Variants in SLC23A2 observed in about 807,000 individuals in gnomAD.
SLC23A2 encodes the protein solute carrier family 23 member 2.
A neutral mutation model predicts 73.3 loss-of-function variants in SLC23A2; 36 were observed. That is an observed-to-expected ratio of 0.49 (90% confidence interval 0.38 to 0.65). SLC23A2 has a LOEUF of 0.65. Ranked by LOEUF, SLC23A2 falls within the 30% of genes least tolerant of loss-of-function variation. The pLI is 0.00. For synonymous variants in SLC23A2, 343 were observed against 327.3 expected, an observed-to-expected ratio of 1.05 and a Z score of -0.52; for missense variants, 507 against 841.6, an observed-to-expected ratio of 0.60 and a Z score of 4.92.
At chr20:4,880,414 C>T (rs190347355) in intron 9 of SLC23A2, among the ~76,000 whole-genome samples, 45 of 152,160 alleles carry the variant, frequency 3.0e-4, no homozygotes, top group Middle Eastern at 3.4e-3. Context: ...AGCTCAGCCA[C>T]GGGAGGGGCA....
chr20:4,910,981 C>A (rs1022671795), intron 4 of SLC23A2, among the ~76,000 whole-genome samples: 1 of 152,150 alleles, frequency 6.6e-6, no homozygotes, highest in Non-Finnish European at 1.5e-5. Flanking sequence ...TAAAGCTAAG[C>A]CCCAAAGTGT....
At chr20:4,977,848 T>G (rs951807721) in intron 1 of SLC23A2, among the ~76,000 whole-genome samples, 3 of 152,114 alleles carry the variant, frequency 2.0e-5, no homozygotes, top group Non-Finnish European at 2.9e-5. Context: ...CTATTTGTGA[T>G]TTTTTAAAAG....
intron 2 of SLC23A2, among the ~76,000 whole-genome samples, chr20:4,945,841 A>T (rs1393586626): frequency 1.3e-5 from 2 of 152,218 alleles, no homozygotes; most frequent in Admixed American, 6.5e-5. Context: ...GCCCGACTTA[A>T]ATCAGATTAT....
At chr20:5,007,111 G>A (rs977113198) in intron 1 of SLC23A2, among the ~76,000 whole-genome samples, 1 of 152,130 alleles carries the variant, frequency 6.6e-6, no homozygotes, top group Non-Finnish European at 1.5e-5. Flanking sequence ...GCACCGTATA[G>A]CATGTATACC....
upstream of SLC23A2, among the ~76,000 whole-genome samples, chr20:5,002,132 T>C (rs141867037): frequency 6.6e-6 from 1 of 152,238 alleles, no homozygotes; most frequent in East Asian, 1.9e-4. Flanking sequence ...TGTCCCCAGG[T>C]GATGCCCCCG....
At chr20:4,929,264 T>TA (rs368253095) in intron 3 of SLC23A2, among the ~76,000 whole-genome samples, 2,835 of 119,030 alleles carry the variant, frequency 0.024, 43 homozygotes, top group Non-Finnish European at 0.034. Flanking sequence ...AGACCCTGTG[T>TA]AAAAAAAAAA....
At chr20:5,008,661 C>T (rs1268239998) in intron 1 of SLC23A2, among the ~76,000 whole-genome samples, 1 of 152,164 alleles carries the variant, frequency 6.6e-6, no homozygotes, top group African/African-American at 2.4e-5. Flanking sequence ...CCCACTTTCC[C>T]ATGAGGGACC....
rs560722678 is a variant in SLC23A2, at chr20:4,964,765, G to C, written c.-155+6028C>G. On this transcript the variant is annotated intron_variant, in intron 2 of 16. Transcript: ENST00000338244. ...AGGCAGGAGGATCCCCTGCACCCGG[G>C]AGGTAGAGTTGCAGTGAGATCGCAC... Among the ~76,000 whole-genome samples the C allele has an allele frequency of 6.6e-5, 10 of 151,392 alleles. 1 individual carries two copies. The South Asian group carries it at 2.1e-3, about 32-fold the overall frequency.
upstream of SLC23A2, among the ~76,000 whole-genome samples, chr20:5,002,665 G>A (rs1008755860): frequency 2.6e-5 from 4 of 152,250 alleles, no homozygotes; most frequent in Admixed American, 6.5e-5. Flanking sequence ...AAATAGGCAA[G>A]TGTGGTCTGT....
intron 3 of SLC23A2, among the ~76,000 whole-genome samples, chr20:4,927,710 G>A (rs1463200743): frequency 1.3e-5 from 2 of 152,236 alleles, no homozygotes; most frequent in East Asian, 3.9e-4. Flanking sequence ...AAATCTTGAT[G>A]AGAATCCGAA....
intron 6 of SLC23A2, among the ~76,000 whole-genome samples, chr20:4,892,883 AG>A (rs1245327003): frequency 6.6e-6 from 1 of 152,052 alleles, no homozygotes; most frequent in East Asian, 1.9e-4. Flanking sequence ...TGGTTTAGAG[AG>A]GGAATAATGG....
chr20:4,992,358 A>G (rs1237736113), intron 1 of SLC23A2, among the ~76,000 whole-genome samples: 4 of 152,162 alleles, frequency 2.6e-5, no homozygotes, highest in Non-Finnish European at 1.5e-5. Flanking sequence ...AGAGGGGACA[A>G]ATAATCCTTA....
chr20:4,905,695 T>C (rs947064940), intron 4 of SLC23A2, among the ~76,000 whole-genome samples: 1 of 152,150 alleles, frequency 6.6e-6, no homozygotes, highest in Non-Finnish European at 1.5e-5. Flanking sequence ...TTGGGGTCGA[T>C]TGTAGTCTCT....
At position 4,975,323 on chromosome 20, in the gene SLC23A2, A is replaced by G. The variant is rs528314203; in HGVS notation, c.-281-4404T>C. Among the ~76,000 whole-genome samples the G allele has an allele frequency of 4.6e-5, 7 of 152,306 alleles. No individual in the cohort carries two copies. In the East Asian group the frequency reaches 1.3e-3, roughly 29 times the overall value. On this transcript the variant is annotated intron_variant, in intron 1 of 16. Coordinates refer to ENST00000338244, the MANE Select transcript of SLC23A2 (RefSeq NM_005116.6). ...TCATTGGTGCAGCGGTGAGTAAGAAAAAAAGAAAAAGAAAGAATATGACGT... is the reference window on the plus strand; with the variant it reads ...TCATTGGTGCAGCGGTGAGTAAGAAGAAAAGAAAAAGAAAGAATATGACGT...
chr20:4,859,578 A>G (rs1396656210), intron 15 of SLC23A2, among the ~76,000 whole-genome samples, 194 bp from the exon 16 acceptor site: 2 of 152,248 alleles, frequency 1.3e-5, no homozygotes, highest in African/African-American at 2.4e-5. Context: ...ACTTTCAACA[A>G]TAATCCAAAG....
At chr20:4,974,891 G>A (rs1373244320) in intron 1 of SLC23A2, among the ~76,000 whole-genome samples, 4 of 152,236 alleles carry the variant, frequency 2.6e-5, no homozygotes, top group Non-Finnish European at 4.4e-5. Context: ...GGGCTCAAGC[G>A]ATTCTCCTGC....
chr20:4,892,240 T>C (rs1715376), intron 6 of SLC23A2, among the ~76,000 whole-genome samples: 60,961 of 151,902 alleles, frequency 0.4, 12,999 homozygotes, highest in Non-Finnish European at 0.49. Context: ...ACGTTCTCAC[T>C]GGTCTACCTT....
intron 12 of SLC23A2, 116 bp from the exon 13 acceptor site, chr20:4,867,991 C>T: frequency 3.4e-6 from 2 of 581,516 alleles, no homozygotes; most frequent in South Asian, 1.8e-5. Flanking sequence ...GCAGCTTCCA[C>T]ATCTCCTGGG....
intron 3 of SLC23A2, among the ~76,000 whole-genome samples, chr20:4,915,988 C>T (rs187018770): frequency 6.6e-6 from 1 of 152,144 alleles, no homozygotes; most frequent in Admixed American, 6.5e-5. Flanking sequence ...AAAAACTATG[C>T]CAGAGATCTC....
Sources: allele counts gnomAD v4.1 joint callset (sites outside exome capture counted in the v4.1 genomes callset), GRCh38; gene constraint gnomAD v4.1.1; transcripts MANE v1.5; gene names NCBI Gene and HGNC (gene_info 2026-07-23, HGNC 2026-07-21).